GRK5: variants seen among roughly 807,000 people sequenced by gnomAD.
GRK5 encodes g protein-coupled receptor kinase GRK5.
Under a neutral mutation model 78.4 loss-of-function variants are expected in GRK5, and 40 were observed. The ratio of observed to expected loss-of-function variants is 0.51; its 90% CI spans 0.40 to 0.66. The LOEUF (loss-of-function observed/expected upper bound fraction) is 0.66, where lower values mean the gene tolerates loss of function less well. Among genes scored for constraint, GRK5 ranks in the 30% least tolerant of loss-of-function variants. The pLI, the probability that GRK5 is intolerant of heterozygous loss-of-function variation, is 0.00. For missense variants in GRK5, 598 were observed against 759.9 expected (o/e 0.79, Z 2.50); for synonymous variants, 289 against 296.8 (o/e 0.97, Z 0.27).
intron 1 of GRK5, among the ~76,000 whole-genome samples, chr10:119,258,959 G>A (rs1849328397): frequency 1.3e-5 from 2 of 152,166 alleles, no homozygotes; most frequent in South Asian, 4.1e-4. Flanking sequence ...AGTCTCAGGT[G>A]AAGGGTATTT....
intron 2 of GRK5, among the ~76,000 whole-genome samples, chr10:119,328,635 G>A (rs564427286): frequency 1.1e-4 from 16 of 152,328 alleles, no homozygotes; most frequent in African/African-American, 2.4e-4. Context: ...CCCAGGGAAC[G>A]TCTTGCACTC....
chr10:119,446,849 G>A (rs962244814), intron 12 of GRK5, among the ~76,000 whole-genome samples: 9 of 152,136 alleles, frequency 5.9e-5, no homozygotes, highest in Admixed American at 4.6e-4. Context: ...CACTCTCCCC[G>A]GCGTCCCCAG....
intron 1 of GRK5, among the ~76,000 whole-genome samples, chr10:119,289,297 G>A (rs1270332918): frequency 6.6e-6 from 1 of 152,196 alleles, no homozygotes; most frequent in Non-Finnish European, 1.5e-5. Flanking sequence ...TTTGGTTATT[G>A]TGATCAAGGA....
chr10:119,320,917 G>A (rs556949936), intron 1 of GRK5, among the ~76,000 whole-genome samples: 13 of 152,400 alleles, frequency 8.5e-5, no homozygotes, highest in East Asian at 3.8e-4. Flanking sequence ...AGCGGGGGCC[G>A]TAGGGCCAGG....
rs184157034 is a variant in GRK5, at chr10:119,435,839, G to C, written c.739-812G>C. 6.6e-5 allele frequency among the ~76,000 whole-genome samples: 10 copies of C among 152,304 alleles called. No individual in the cohort carries two copies. In the East Asian group the frequency reaches 1.9e-3, roughly 29 times the overall value. Reference sequence around the variant, plus strand: ...ACACTGCTGATAAAGACATACCTGAGACTGGGCAATTTACAAAAGAAAGAG... The same window carrying C: ...ACACTGCTGATAAAGACATACCTGACACTGGGCAATTTACAAAAGAAAGAG... On this transcript the variant is annotated intron_variant, in intron 8 of 15. Coordinates refer to ENST00000392870, the MANE Select transcript of GRK5 (RefSeq NM_005308.3).
chr10:119,332,167 C>T (rs940475746), intron 2 of GRK5, among the ~76,000 whole-genome samples: 7 of 148,604 alleles, frequency 4.7e-5, no homozygotes, highest in Admixed American at 2.7e-4. Context: ...AGTGCAGTGG[C>T]GTGATCTTGG....
chr10:119,409,878 C>T (rs1019577964), intron 4 of GRK5, among the ~76,000 whole-genome samples: 3 of 152,234 alleles, frequency 2.0e-5, no homozygotes, highest in Non-Finnish European at 2.9e-5. Context: ...CACTCCCCAC[C>T]GTTTCCCCAC....
At chr10:119,403,855 G>A (rs1369180440) in intron 4 of GRK5, among the ~76,000 whole-genome samples, 1 of 152,182 alleles carries the variant, frequency 6.6e-6, no homozygotes, top group East Asian at 1.9e-4. Context: ...GGCTGGTCTC[G>A]AACTCCTGGC....
intron 1 of GRK5, among the ~76,000 whole-genome samples, chr10:119,314,396 C>T (rs1348392617): frequency 1.3e-5 from 2 of 152,186 alleles, no homozygotes; most frequent in Non-Finnish European, 2.9e-5. Flanking sequence ...TGAAGTGGTT[C>T]TCCTCATGTG....
At chr10:119,209,460 A>G (rs1169216861) in intron 1 of GRK5, among the ~76,000 whole-genome samples, 1 of 147,526 alleles carries the variant, frequency 6.8e-6, no homozygotes, top group Non-Finnish European at 1.5e-5. Context: ...TTCAGGTTCT[A>G]AGGCCTGAGC....
At chr10:119,230,019 T>G (rs569027645) in intron 1 of GRK5, among the ~76,000 whole-genome samples, 42 of 152,264 alleles carry the variant, frequency 2.8e-4, no homozygotes, top group African/African-American at 8.7e-4. Context: ...CAAAGGTTGT[T>G]GGCACTGGGG....
rs2133920737 is a variant in GRK5, at chr10:119,452,608, T to C, written c.1405-63T>C. On this transcript the variant is annotated intron_variant, in intron 13 of 15. Transcript: ENST00000392870. The surrounding 1 kb of genome is among the most constrained non-coding windows in gnomAD (Gnocchi z 4.4). ...TTCTGCTCCCCAAAACCCCAAGGCCTGGCTCGGGGCCACTGGAGCCGCAGG... is the reference window on the plus strand; with the variant it reads ...TTCTGCTCCCCAAAACCCCAAGGCCCGGCTCGGGGCCACTGGAGCCGCAGG... The C allele has an allele frequency of 6.2e-7, 1 of 1,601,870 alleles. No individual in the cohort carries two copies. The highest frequency in any genetic ancestry group is 2.2e-5 in the East Asian group (1 of 44,772).
chr10:119,329,697 TGCAGCTTGGGGAACTAGA>T lies in GRK5; in HGVS notation c.148+3088_148+3105del, dbSNP rs539947531. Among the ~76,000 whole-genome samples the T allele has an allele frequency of 5.4e-3, 819 of 152,146 alleles. 10 individuals carry two copies. The highest frequency in any genetic ancestry group is 0.018 in the African/African-American group (767 of 41,524). On this transcript the variant is annotated intron_variant, in intron 2 of 15. Transcript: ENST00000392870. ...GTGAGCCAAGATTGCGCCATTGCAC[TGCAGCTTGGGGAACTAGA>T]GTGAAACTCTGTCTCAAAAAACAAA... is the stretch of plus-strand genomic sequence containing the variant.
intron 6 of GRK5, among the ~76,000 whole-genome samples, chr10:119,429,139 G>A (rs759208041): frequency 9.9e-5 from 15 of 152,220 alleles, no homozygotes; most frequent in Non-Finnish European, 1.8e-4. Flanking sequence ...GCTTCGGTGG[G>A]GTTTGGGCCC....
intron 1 of GRK5, among the ~76,000 whole-genome samples, chr10:119,298,541 A>T (rs1264731265): frequency 6.6e-6 from 1 of 152,052 alleles, no homozygotes; most frequent in Non-Finnish European, 1.5e-5. Flanking sequence ...GATAGGTTTT[A>T]TTGCTAGTGT....
At chr10:119,453,002 G>A in intron 14 of GRK5, 143 bp from the exon 15 acceptor site, 3 of 859,684 alleles carry the variant, frequency 3.5e-6, no homozygotes, top group Non-Finnish European at 5.7e-6. Flanking sequence ...CATTGACGGG[G>A]AGCCTCGCCC....
At chr10:119,411,345 C>G (rs1048452469) in intron 4 of GRK5, among the ~76,000 whole-genome samples, 1 of 152,152 alleles carries the variant, frequency 6.6e-6, no homozygotes, top group Non-Finnish European at 1.5e-5. Flanking sequence ...CTTTCTCCTC[C>G]GCCAGACACA....
At chr10:119,251,717 T>G (rs1021333320) in intron 1 of GRK5, among the ~76,000 whole-genome samples, 3 of 152,246 alleles carry the variant, frequency 2.0e-5, no homozygotes, top group Non-Finnish European at 4.4e-5. Flanking sequence ...CGTTGCCATC[T>G]GGGGCTGGAT....
intron 2 of GRK5, among the ~76,000 whole-genome samples, chr10:119,377,095 C>CTT (rs1851637155): frequency 6.6e-6 from 1 of 152,170 alleles, no homozygotes; most frequent in South Asian, 2.1e-4. Context: ...GAAAAGTCTT[C>CTT]TGCCCTTGTC....
Sources: gnomAD v4.1 joint callset for allele counts (sites outside exome capture counted in the v4.1 genomes callset) on GRCh38, gnomAD v4.1.1 for gene constraint, Gnocchi (gnomAD v3.1) non-coding constraint, MANE v1.5 for transcripts, NCBI Gene and HGNC (gene_info 2026-07-23, HGNC 2026-07-21) for gene names.